Variants in ALK observed in about 807,000 individuals in gnomAD.
ALK encodes the protein ALK tyrosine kinase receptor.
Under a neutral mutation model 163.1 loss-of-function variants are expected in ALK, and 74 were observed. That is an observed-to-expected ratio of 0.45 (90% CI 0.38 to 0.55). The LOEUF (loss-of-function observed/expected upper bound fraction) is 0.55, where lower values mean the gene tolerates loss of function less well. ALK is among the 20% of genes least tolerant of loss of function. ALK has a pLI of 0.00. For missense variants in ALK, 2,063 were observed against 2,105.3 expected (o/e 0.98, Z 0.39); for synonymous variants, 960 against 843.2 (o/e 1.14, Z -2.40).
At chr2:29,439,472 C>T (rs532340841) in intron 4 of ALK, among the ~76,000 whole-genome samples, 8 of 152,216 alleles carry the variant, frequency 5.3e-5, no homozygotes, top group Admixed American at 5.2e-4. Context: ...TTTGCTGAAA[C>T]AATATCGCTG....
chr2:29,784,077 G>A (rs1263816008), intron 1 of ALK, among the ~76,000 whole-genome samples: 5 of 152,078 alleles, frequency 3.3e-5, no homozygotes, highest in Admixed American at 2.6e-4. Flanking sequence ...ACGAGAGAGC[G>A]AGACAGAGAC....
chr2:29,266,916 G>C (rs1469960648), intron 11 of ALK, among the ~76,000 whole-genome samples: 1 of 152,222 alleles, frequency 6.6e-6, no homozygotes, highest in East Asian at 1.9e-4. Context: ...CAGGCTCTAA[G>C]ATGGCCTCAG....
At chr2:29,700,967 C>A (rs897591110) in intron 2 of ALK, among the ~76,000 whole-genome samples, 4 of 152,190 alleles carry the variant, frequency 2.6e-5, no homozygotes, top group Non-Finnish European at 4.4e-5. Flanking sequence ...AAGGCCTGTG[C>A]CTAGGAAGCC....
chr2:29,880,421 C>T (rs1340322489), intron 1 of ALK, among the ~76,000 whole-genome samples: 1 of 152,130 alleles, frequency 6.6e-6, no homozygotes, highest in Admixed American at 6.5e-5. Flanking sequence ...AACCTCAGGG[C>T]AGTGGTTTTA....
chr2:29,844,258 C>T (rs1187666722), intron 1 of ALK, among the ~76,000 whole-genome samples: 1 of 152,140 alleles, frequency 6.6e-6, no homozygotes, highest in Non-Finnish European at 1.5e-5. Flanking sequence ...AGAGCAAGAA[C>T]TCTCAGAGGT....
chr2:29,675,012 G>A (rs1345784046), intron 3 of ALK, among the ~76,000 whole-genome samples: 1 of 151,122 alleles, frequency 6.6e-6, no homozygotes, highest in African/African-American at 2.4e-5. Flanking sequence ...TGTGGGATCG[G>A]TGGTGATATC....
At chr2:29,369,956 T>G (rs1351848552) in intron 5 of ALK, among the ~76,000 whole-genome samples, 1 of 152,138 alleles carries the variant, frequency 6.6e-6, no homozygotes, top group African/African-American at 2.4e-5. Flanking sequence ...TGGCAGGGGA[T>G]GGACAAGAAG....
intron 11 of ALK, among the ~76,000 whole-genome samples, chr2:29,262,267 T>C (rs1412794979): frequency 1.3e-5 from 2 of 152,248 alleles, no homozygotes; most frequent in Non-Finnish European, 2.9e-5. Context: ...ACGAACTGTT[T>C]TCAGTTGATG....
intron 1 of ALK, among the ~76,000 whole-genome samples, chr2:29,874,250 C>G (rs927155316): frequency 6.6e-6 from 1 of 151,884 alleles, no homozygotes; most frequent in South Asian, 2.1e-4. Flanking sequence ...ACCCCACCCC[C>G]GCCACCCAGG....
chr2:29,755,297 G>A (rs1050410129), intron 1 of ALK, among the ~76,000 whole-genome samples: 12 of 152,370 alleles, frequency 7.9e-5, no homozygotes, highest in African/African-American at 2.9e-4. Flanking sequence ...GTGAGGGCCT[G>A]TGCTGCATCA....
At chr2:29,724,113 G>T (rs377122885) in intron 1 of ALK, among the ~76,000 whole-genome samples, 2 of 152,084 alleles carry the variant, frequency 1.3e-5, no homozygotes, top group African/African-American at 4.8e-5. Context: ...CATGTGTGAT[G>T]GTTATTTACA....
At chr2:29,314,421 CG>C (rs1433849087) in intron 8 of ALK, among the ~76,000 whole-genome samples, 1 of 152,038 alleles carries the variant, frequency 6.6e-6, no homozygotes, top group Non-Finnish European at 1.5e-5. Context: ...CTAGAGGTGA[CG>C]TCAGGGGTGG....
chr2:29,461,612 C>G (rs1349662012), intron 4 of ALK, among the ~76,000 whole-genome samples: 1 of 152,098 alleles, frequency 6.6e-6, no homozygotes, highest in African/African-American at 2.4e-5. Context: ...TATTTTAAGT[C>G]CACTGTTCAG....
At chr2:29,274,918 A>G (rs550627857) in intron 11 of ALK, among the ~76,000 whole-genome samples, 181 bp downstream of exon 11, 25 of 152,296 alleles carry the variant, frequency 1.6e-4, no homozygotes, top group African/African-American at 5.8e-4. Context: ...TCCTTTGCTC[A>G]GGCAATATGA....
intron 26 of ALK, among the ~76,000 whole-genome samples, chr2:29,201,300 C>A (rs1035608924): frequency 6.6e-6 from 1 of 152,108 alleles, no homozygotes; most frequent in African/African-American, 2.4e-5. Flanking sequence ...TAATAGGCAA[C>A]TCAAATTTAA....
intron 1 of ALK, among the ~76,000 whole-genome samples, 187 bp from the exon 2 acceptor site, chr2:29,717,884 C>T (rs1679309751): frequency 6.6e-6 from 1 of 152,144 alleles, no homozygotes; most frequent in Admixed American, 6.5e-5. Context: ...CATTTTCTAT[C>T]AAGGGCAGAC....
intron 4 of ALK, among the ~76,000 whole-genome samples, chr2:29,526,317 C>T (rs1264156131): frequency 6.6e-6 from 1 of 152,150 alleles, no homozygotes; most frequent in Non-Finnish European, 1.5e-5. Flanking sequence ...GAATTTCCTC[C>T]AAGAATACTT....
intron 3 of ALK, among the ~76,000 whole-genome samples, chr2:29,592,990 C>T (rs1466381233): frequency 6.6e-6 from 1 of 152,198 alleles, no homozygotes; most frequent in African/African-American, 2.4e-5. Context: ...TTTTAAGCCA[C>T]CCAGTTTGCG....
intron 12 of ALK, among the ~76,000 whole-genome samples, chr2:29,240,938 A>C (rs1357901652): frequency 2.6e-5 from 4 of 152,218 alleles, no homozygotes; most frequent in Non-Finnish European, 5.9e-5. Context: ...TAGCTCCTTT[A>C]TCTACAGTTC....
Sources: allele counts gnomAD v4.1 joint callset (sites outside exome capture counted in the v4.1 genomes callset), GRCh38; gene constraint gnomAD v4.1.1; transcripts MANE v1.5; gene names NCBI Gene and HGNC (gene_info 2026-07-23, HGNC 2026-07-21).